The following PTPRT variants were observed in gnomAD, a reference collection of about 807,000 sequenced individuals.
The protein encoded by PTPRT is receptor-type tyrosine-protein phosphatase T.
Under a neutral mutation model 176.8 loss-of-function variants are expected in PTPRT, and 56 were observed. That is an observed-to-expected ratio of 0.32 (90% CI 0.26 to 0.40). PTPRT has a LOEUF of 0.40. PTPRT is among the 10% of genes least tolerant of loss of function. The pLI, the probability that PTPRT is intolerant of heterozygous loss-of-function variation, is 1.00. For missense variants in PTPRT, 1,540 were observed against 1,908.2 expected, an observed-to-expected ratio of 0.81 and a Z score of 3.60; for synonymous variants, 783 against 739.0, an observed-to-expected ratio of 1.06 and a Z score of -0.96.
At chr20:42,817,766 G>A (rs561465643) in intron 2 of PTPRT, among the ~76,000 whole-genome samples, 5 of 152,280 alleles carry the variant, frequency 3.3e-5, no homozygotes, top group African/African-American at 1.2e-4. Flanking sequence ...TGAGGCCAGC[G>A]TGCCTCTTCA....
chr20:42,042,636 A>G, the PTPRT span, among the ~76,000 whole-genome samples: 1 of 152,156 alleles, frequency 6.6e-6, no homozygotes. Context: ...TACCTCCCTC[A>G]TATCAGTTGC....
At chr20:43,115,462 T>C (rs2013024543) in intron 1 of PTPRT, among the ~76,000 whole-genome samples, 1 of 152,186 alleles carries the variant, frequency 6.6e-6, no homozygotes, top group Non-Finnish European at 1.5e-5. Flanking sequence ...TTTCCTTTAA[T>C]GATACCCCAT....
chr20:42,561,590 GT>G (rs2072952766), intron 7 of PTPRT, among the ~76,000 whole-genome samples: 1 of 152,212 alleles, frequency 6.6e-6, no homozygotes, highest in South Asian at 2.1e-4. Context: ...GGAACTGTGT[GT>G]ACTGCTGTTT....
At chr20:42,210,590 G>A (rs1414833455) in intron 15 of PTPRT, among the ~76,000 whole-genome samples, 1 of 151,718 alleles carries the variant, frequency 6.6e-6, no homozygotes, top group Non-Finnish European at 1.5e-5. Flanking sequence ...ACTTACAAGG[G>A]ATGTGAAGGA....
intron 7 of PTPRT, among the ~76,000 whole-genome samples, chr20:42,624,172 T>G (rs1349820856): frequency 6.6e-6 from 1 of 152,154 alleles, no homozygotes; most frequent in Non-Finnish European, 1.5e-5. Flanking sequence ...TCTGTGAAAT[T>G]TGCACAGGGG....
intron 7 of PTPRT, among the ~76,000 whole-genome samples, chr20:42,505,206 T>C (rs960963438): frequency 2.0e-5 from 3 of 152,174 alleles, no homozygotes; most frequent in Non-Finnish European, 4.4e-5. Context: ...CACGACTTCA[T>C]TCTTTTAATT....
Position 42,478,804 on chromosome 20 carries a change from G to A in PTPRT, c.1154-6242C>T, listed in dbSNP as rs369736253. On this transcript the variant is annotated intron_variant, in intron 7 of 30. Transcript: ENST00000373187. ...CAGACTTCAGGGTTATTGTTCATAT[G>A]TTTGGTTCATGTTCACCTCCACTGC... 5.3e-5 allele frequency among the ~76,000 whole-genome samples: 8 copies of A among 152,066 alleles called. No individual in the cohort carries two copies. In the South Asian group the frequency reaches 1.2e-3, roughly 24 times the overall value.
chr20:42,485,700 G>A (rs230158), intron 7 of PTPRT, among the ~76,000 whole-genome samples: 10,925 of 151,978 alleles, frequency 0.072, 459 homozygotes, highest in Middle Eastern at 0.1. Context: ...GGACATTCTT[G>A]ATCTTCCAAG....
In PTPRT at chr20:42,425,979, G is replaced by A. The variant is rs117300285; in HGVS notation, c.1560+22241C>T. 1.5e-3 allele frequency among the ~76,000 whole-genome samples: 227 copies of A among 152,256 alleles called. 7 individuals carry two copies. In the East Asian group the frequency reaches 0.04, roughly 27 times the overall value. On this transcript the variant is annotated intron_variant, in intron 9 of 30. Transcript: ENST00000373187. ...GGTGGAAAAAGCAGATGATCAGAAA[G>A]CAAGCTAAAGAGGTCATGAGGAGTC...
chr20:42,072,414 C>T (rs4812577), downstream of PTPRT, among the ~76,000 whole-genome samples: 3,007 of 152,254 alleles, frequency 0.02, 212 homozygotes, highest in East Asian at 0.13. Context: ...TTAGGCAGCT[C>T]GTTACCAAGG....
At chr20:42,707,572 G>C (rs1294071396) in intron 6 of PTPRT, among the ~76,000 whole-genome samples, 1 of 152,168 alleles carries the variant, frequency 6.6e-6, no homozygotes, top group East Asian at 1.9e-4. Context: ...GCCTCTAGGA[G>C]CTGAGAGTGG....
At position 42,199,506 on chromosome 20, in the gene PTPRT, C is replaced by T. The variant is rs1991364935; in HGVS notation, c.2343-118G>A. On this transcript the variant is annotated intron_variant, in intron 15 of 30. Coordinates refer to ENST00000373187, the MANE Select transcript of PTPRT (RefSeq NM_007050.6). ...TCAACCCCCAAATCTGGTTCATTCT[C>T]CAGAAAAAGAATCAAGGCAGAACAA... 1.6e-5 allele frequency: 19 copies of T among 1,193,652 alleles called. No homozygotes were observed. In the South Asian group the frequency reaches 2.8e-4, roughly 18 times the overall value. The allele number at this position is 1,193,652 out of a possible 1,614,324, so 73.9% of individuals were successfully genotyped here.
chr20:42,566,835 T>C (rs756154941), intron 7 of PTPRT, among the ~76,000 whole-genome samples: 1 of 152,212 alleles, frequency 6.6e-6, no homozygotes, highest in African/African-American at 2.4e-5. Flanking sequence ...AATCTGGTGT[T>C]AACAGTAACC....
the PTPRT span, among the ~76,000 whole-genome samples, chr20:42,051,223 C>G: frequency 6.6e-6 from 1 of 152,170 alleles, no homozygotes; most frequent in Non-Finnish European, 1.5e-5. Flanking sequence ...GCCCTGAAAA[C>G]AGCAGTGTGT....
intron 21 of PTPRT, among the ~76,000 whole-genome samples, chr20:42,117,843 C>T (rs935739323): frequency 3.9e-5 from 6 of 151,930 alleles, no homozygotes; most frequent in East Asian, 1.9e-4. Context: ...AGGTACTGGG[C>T]ATGTTTGTAT....
At chr20:42,224,476 T>C (rs574423442) in intron 15 of PTPRT, among the ~76,000 whole-genome samples, 1 of 152,364 alleles carries the variant, frequency 6.6e-6, no homozygotes, top group Admixed American at 6.5e-5. Flanking sequence ...TCCATCATCA[T>C]ACTCAAACTC....
In PTPRT at chr20:42,745,875, G is replaced by C. The variant is rs531019062; in HGVS notation, c.859+10587C>G. 5.9e-5 allele frequency among the ~76,000 whole-genome samples: 9 copies of C among 152,286 alleles called. No homozygotes were observed. In the East Asian group the frequency reaches 1.7e-3, roughly 29 times the overall value. On this transcript the variant is annotated intron_variant, in intron 6 of 30. Coordinates refer to ENST00000373187, the MANE Select transcript of PTPRT (RefSeq NM_007050.6). ...GACTTCAGCATCCTCAGTGGTAACA[G>C]GGGACCATGGTGAAGATTAAATACA...
At chr20:42,595,959 T>G (rs949499946) in intron 7 of PTPRT, among the ~76,000 whole-genome samples, 4 of 152,174 alleles carry the variant, frequency 2.6e-5, no homozygotes, top group Non-Finnish European at 4.4e-5. Flanking sequence ...TTTAAAACCA[T>G]AGGTCTTCCT....
rs192610188 is a variant in PTPRT at position 42,802,125 on chromosome 20, C to T, written c.215-10659G>A. On this transcript the variant is annotated intron_variant, in intron 2 of 30. Coordinates refer to ENST00000373187, the MANE Select transcript of PTPRT (RefSeq NM_007050.6). ...TTGTTAAACTGTGCCGGGTCCCATA[C>T]CCAGTAGATTTGGGGTGGAGTCCAA... Among the ~76,000 whole-genome samples the T allele has an allele frequency of 2.4e-4, 36 of 152,298 alleles. No individual in the cohort carries two copies. The East Asian group carries it at 6.8e-3, about 29-fold the overall frequency.
Sources: allele counts gnomAD v4.1 joint callset (sites outside exome capture counted in the v4.1 genomes callset), GRCh38; gene constraint gnomAD v4.1.1; transcripts MANE v1.5; gene names NCBI Gene and HGNC (gene_info 2026-07-23, HGNC 2026-07-21).